IGFBP7: variants seen among roughly 807,000 people sequenced by gnomAD.
IGFBP7 encodes insulin-like growth factor-binding protein 7.
In IGFBP7, 31 loss-of-function variants were observed where a neutral mutation model predicts 29.4. The ratio of observed to expected loss-of-function variants is 1.05; its 90% confidence interval spans 0.79 to 1.42. The LOEUF (loss-of-function observed/expected upper bound fraction) is 1.42. IGFBP7 is among the 40% of genes most tolerant of loss of function. IGFBP7 has a pLI of 0.00. For missense variants in IGFBP7, 393 were observed against 395.5 expected (o/e 0.99, Z 0.05); for synonymous variants, 172 against 174.9 (o/e 0.98, Z 0.13).
chr4:57,093,941 C>T (rs1325247487), intron 1 of IGFBP7, among the ~76,000 whole-genome samples: 1 of 152,026 alleles, frequency 6.6e-6, no homozygotes, highest in Non-Finnish European at 1.5e-5. Flanking sequence ...TTCATTTTTT[C>T]CCCTTCCAGT....
In IGFBP7 at chr4:57,031,238, G is replaced by T; in HGVS notation, c.*79C>A. ...AAAGTGTTAGTGGATTGGATTAAAA[G>T]AAACTTATTAGGCAAGAACAGGTAA... On this transcript the variant is annotated 3_prime_UTR_variant, in exon 5 of 5. Coordinates refer to ENST00000295666, the MANE Select transcript of IGFBP7 (RefSeq NM_001553.3). The T allele has an allele frequency of 4.2e-6, 5 of 1,203,954 alleles. No individual in the cohort carries two copies. The highest frequency in any genetic ancestry group is 6.1e-6 in the Non-Finnish European group (5 of 816,798). The allele number at this position is 1,203,954 out of a possible 1,614,324, so 74.6% of individuals were successfully genotyped here.
At chr4:57,043,833 C>A (rs1204222116) in intron 1 of IGFBP7, among the ~76,000 whole-genome samples, 1 of 152,172 alleles carries the variant, frequency 6.6e-6, no homozygotes, top group African/African-American at 2.4e-5. Context: ...AATACAGAAC[C>A]CTGCAAAGGG....
chr4:57,101,686 T>C (rs908798531), intron 1 of IGFBP7, among the ~76,000 whole-genome samples: 4 of 150,912 alleles, frequency 2.7e-5, no homozygotes, highest in African/African-American at 9.8e-5. Flanking sequence ...AGTAAACGTT[T>C]CCCCCCCTCC....
chr4:57,038,371 G>A lies in IGFBP7; in HGVS notation c.585+2453C>T, dbSNP rs1306757292. ...TCTGAAGCAGAAGAAAATGAGACTA[G>A]TATATTGAGAGCAAAGAGTCAAGAG... On this transcript the variant is annotated intron_variant, in intron 2 of 4. Transcript: ENST00000295666. Among the ~76,000 whole-genome samples the A allele has an allele frequency of 2.6e-5, 4 of 152,232 alleles. No homozygotes were observed. The East Asian group carries it at 7.7e-4, about 29-fold the overall frequency.
chr4:57,036,931 T>C (rs913428997), intron 2 of IGFBP7, among the ~76,000 whole-genome samples: 5 of 152,190 alleles, frequency 3.3e-5, no homozygotes, highest in African/African-American at 1.2e-4. Context: ...TTCTTAACAG[T>C]CTGGTTACAA....
At chr4:57,063,728 G>A (rs574367649) in intron 1 of IGFBP7, among the ~76,000 whole-genome samples, 164 of 152,280 alleles carry the variant, frequency 1.1e-3, no homozygotes, top group Middle Eastern at 6.8e-3. Context: ...GTCCTCAGCT[G>A]TTTGTAGGTA....
Position 57,109,864 on chromosome 4 carries a change from C to A in IGFBP7, c.475+13G>T, listed in dbSNP as rs1172924362. 1 of 1,535,896 alleles carries A rather than the reference C, an allele frequency of 6.5e-7. No individual in the cohort carries two copies. Among genetic ancestry groups the A allele is most frequent in the Non-Finnish European group, 8.7e-7 (1 of 1,147,042 alleles). On this transcript the variant is annotated intron_variant, in intron 1 of 4. Transcript: ENST00000295666. ...AGCGGCGCAGGGTTGGAGAGGGAAG[C>A]GCTCGTGCCCACCTTGCTCGCAGGT... is the stretch of plus-strand genomic sequence containing the variant.
At chr4:57,068,388 C>T (rs1724970420) in intron 1 of IGFBP7, among the ~76,000 whole-genome samples, 1 of 152,086 alleles carries the variant, frequency 6.6e-6, no homozygotes, top group Non-Finnish European at 1.5e-5. Context: ...TCTAATTTCC[C>T]CTATAGCAAA....
intron 1 of IGFBP7, among the ~76,000 whole-genome samples, chr4:57,055,074 ACCAAGCAG>A: frequency 6.6e-6 from 1 of 152,308 alleles, no homozygotes; most frequent in Non-Finnish European, 1.5e-5. Flanking sequence ...ACCAGGAGCT[ACCAAGCAG>A]AGGTTTATTC....
intron 1 of IGFBP7, among the ~76,000 whole-genome samples, chr4:57,059,451 C>T (rs1028352915): frequency 4.6e-5 from 7 of 152,108 alleles, no homozygotes; most frequent in Admixed American, 2.0e-4. Flanking sequence ...TGCAGGAACA[C>T]GGAGGGAGTT....
chr4:57,069,709 G>A (rs1043331500), intron 1 of IGFBP7, among the ~76,000 whole-genome samples: 2 of 152,010 alleles, frequency 1.3e-5, no homozygotes, highest in Non-Finnish European at 2.9e-5. Flanking sequence ...CAGAGAGAAG[G>A]TGGGCAGGAG....
At chr4:57,086,044 G>A (rs1725489666) in intron 1 of IGFBP7, among the ~76,000 whole-genome samples, 1 of 152,174 alleles carries the variant, frequency 6.6e-6, no homozygotes, top group African/African-American at 2.4e-5. Flanking sequence ...AATTTATAAA[G>A]TAAAGAGGTT....
In IGFBP7 at chr4:57,089,508, AT is replaced by A. The variant is rs1187619483; in HGVS notation, c.475+20368del. On this transcript the variant is annotated intron_variant, in intron 1 of 4. Transcript: ENST00000295666. Reference sequence around the variant, plus strand: ...AGACATATTTGCTACAAAGCTTTCCATTTTTCCCCCCAGCTATGACCTATTT... The same window carrying A: ...AGACATATTTGCTACAAAGCTTTCCATTTTCCCCCCAGCTATGACCTATTT... Among the ~76,000 whole-genome samples, 4 of 152,238 alleles carry A rather than the reference AT, an allele frequency of 2.6e-5. No homozygotes were observed. The East Asian group carries it at 7.7e-4, about 29-fold the overall frequency.
chr4:57,106,152 C>T (rs1158306518), intron 1 of IGFBP7, among the ~76,000 whole-genome samples: 4 of 152,068 alleles, frequency 2.6e-5, no homozygotes, highest in South Asian at 2.1e-4. Context: ...GTGATCCGCC[C>T]GCCTCGGCCT....
At chr4:57,060,039 G>A (rs1032318627) in intron 1 of IGFBP7, among the ~76,000 whole-genome samples, 5 of 152,228 alleles carry the variant, frequency 3.3e-5, no homozygotes, top group African/African-American at 1.2e-4. Context: ...TGGGTCACAT[G>A]AGGAATAGAA....
intron 1 of IGFBP7, among the ~76,000 whole-genome samples, chr4:57,050,245 GTT>G (rs10547708): frequency 0.021 from 2,826 of 137,078 alleles, 82 homozygotes; most frequent in African/African-American, 0.068. Context: ...TTTTATTTAA[GTT>G]TTTTTTTTTT....
chr4:57,039,190 C>T (rs1249970719), intron 2 of IGFBP7, among the ~76,000 whole-genome samples: 2 of 151,444 alleles, frequency 1.3e-5, no homozygotes, highest in Non-Finnish European at 2.9e-5. Flanking sequence ...TGTTGTCCTT[C>T]AAATATGAAG....
At chr4:57,102,698 C>T (rs1725927193) in intron 1 of IGFBP7, among the ~76,000 whole-genome samples, 1 of 152,226 alleles carries the variant, frequency 6.6e-6, no homozygotes, top group African/African-American at 2.4e-5. Flanking sequence ...CCTAAGTCCT[C>T]TAAGGCCCCA....
At chr4:57,079,428 G>T (rs1331503954) in intron 1 of IGFBP7, among the ~76,000 whole-genome samples, 3 of 152,072 alleles carry the variant, frequency 2.0e-5, no homozygotes, top group African/African-American at 7.2e-5. Context: ...GCAGAGCCTT[G>T]CTTATCTCTG....
Sources: allele counts gnomAD v4.1 joint callset (sites outside exome capture counted in the v4.1 genomes callset), GRCh38; gene constraint gnomAD v4.1.1; transcripts MANE v1.5; gene names NCBI Gene and HGNC (gene_info 2026-07-23, HGNC 2026-07-21).